Variants in GRIP2 observed in about 807,000 individuals in gnomAD.
GRIP2 encodes glutamate receptor-interacting protein 2.
GRIP2 carries 58 observed loss-of-function variants against 108.3 expected under a neutral mutation model. The observed-to-expected ratio is 0.54, with a 90% CI of 0.43 to 0.67. The LOEUF (loss-of-function observed/expected upper bound fraction) is 0.67, where lower values mean the gene tolerates loss of function less well. Among genes scored for constraint, GRIP2 ranks in the 30% least tolerant of loss-of-function variants. The pLI is 0.00. For missense variants in GRIP2, 1,278 were observed against 1,430.6 expected (o/e 0.89, Z 1.72); for synonymous variants, 586 against 598.2 (o/e 0.98, Z 0.30).
chr3:14,573,630 C>T, the GRIP2 span: 5 of 1,499,810 alleles, frequency 3.3e-6, no homozygotes, highest in African/African-American at 5.5e-5. Context: ...GCAGGGCCGT[C>T]CTGTGATGAC....
the GRIP2 span, among the ~76,000 whole-genome samples, chr3:14,577,401 C>T: frequency 6.6e-6 from 1 of 152,214 alleles, no homozygotes; most frequent in Admixed American, 6.5e-5. Context: ...GACAGGAAGA[C>T]ACAGAGACAA....
upstream of GRIP2, among the ~76,000 whole-genome samples, chr3:14,546,289 G>A (rs1039193780): frequency 3.9e-5 from 6 of 152,294 alleles, no homozygotes; most frequent in East Asian, 3.9e-4. Flanking sequence ...AAGGTCGGCC[G>A]AGGCCAGGGA....
At chr3:14,523,301 C>T in intron 5 of GRIP2, 2 of 579,792 alleles carry the variant, frequency 3.4e-6, no homozygotes, top group Non-Finnish European at 6.2e-6. Flanking sequence ...AATGGCTTGC[C>T]TCCCTTCTGT....
At chr3:14,516,968 C>G in intron 11 of GRIP2, 96 bp downstream of exon 11, 1 of 1,262,842 alleles carries the variant, frequency 7.9e-7, no homozygotes. Flanking sequence ...GAGCTCTGCC[C>G]AAAATACCTC....
the GRIP2 span, among the ~76,000 whole-genome samples, chr3:14,581,304 C>A: frequency 6.6e-6 from 1 of 152,192 alleles, no homozygotes; most frequent in Non-Finnish European, 1.5e-5. Context: ...GGTAACAGCA[C>A]CCTGATTTTG....
At chr3:14,565,647 G>A in the GRIP2 span, among the ~76,000 whole-genome samples, 2 of 152,190 alleles carry the variant, frequency 1.3e-5, no homozygotes, top group South Asian at 2.1e-4. Flanking sequence ...TACCCACTCC[G>A]GGCCTTGGCA....
chr3:14,551,082 G>A (rs1445181671), intron 1 of GRIP2, among the ~76,000 whole-genome samples: 2 of 152,126 alleles, frequency 1.3e-5, no homozygotes, highest in Non-Finnish European at 2.9e-5. Context: ...GGGCCCAGAA[G>A]GGACGCTGAG....
chr3:14,565,590 G>A, the GRIP2 span, among the ~76,000 whole-genome samples: 1 of 146,644 alleles, frequency 6.8e-6, no homozygotes, highest in Admixed American at 6.8e-5. Flanking sequence ...CCGGAGAGGT[G>A]GGAGAGCAGG....
intron 9 of GRIP2, among the ~76,000 whole-genome samples, chr3:14,518,956 G>A (rs1180140714): frequency 6.6e-6 from 1 of 152,236 alleles, no homozygotes; most frequent in Non-Finnish European, 1.5e-5. Context: ...CTCAGTTAAT[G>A]AGAGCCAAGG....
At chr3:14,557,546 G>A, upstream of GRIP2, among the ~76,000 whole-genome samples, 1 of 152,200 alleles carries the variant, frequency 6.6e-6, no homozygotes, top group Middle Eastern at 3.2e-3. Flanking sequence ...CTCTGCTGAG[G>A]GATTCTGTCT....
chr3:14,548,289 C>CG (rs1695088009), intron 1 of GRIP2, among the ~76,000 whole-genome samples: 1 of 152,138 alleles, frequency 6.6e-6, no homozygotes, highest in African/African-American at 2.4e-5. Context: ...GTCACCGAAT[C>CG]GGGGCATTCC....
intron 1 of GRIP2, among the ~76,000 whole-genome samples, chr3:14,547,191 G>C (rs1015125970): frequency 6.6e-6 from 1 of 152,184 alleles, no homozygotes; most frequent in African/African-American, 2.4e-5. Flanking sequence ...AGGAAAGATG[G>C]AAAGGAAGGA....
At chr3:14,519,983 G>A (rs1694358233) in intron 9 of GRIP2, 127 bp downstream of exon 9, 1 of 924,296 alleles carries the variant, frequency 1.1e-6, no homozygotes, top group Non-Finnish European at 1.6e-6. Context: ...GCTTCCCTGG[G>A]CAAATGAGGA....
At chr3:14,591,778 G>T in the GRIP2 span, among the ~76,000 whole-genome samples, 1 of 152,162 alleles carries the variant, frequency 6.6e-6, no homozygotes, top group Non-Finnish European at 1.5e-5. Context: ...GACCTTCTGG[G>T]AGTACACGCC....
upstream of GRIP2, chr3:14,542,053 G>A (rs766092824): frequency 1.5e-6 from 2 of 1,351,808 alleles, no homozygotes; most frequent in African/African-American, 1.5e-5. Context: ...TCCATCTACA[G>A]CCTCTTCAGT....
chr3:14,543,160 T>C (rs1297006492), upstream of GRIP2, among the ~76,000 whole-genome samples: 2 of 152,188 alleles, frequency 1.3e-5, no homozygotes, highest in Non-Finnish European at 2.9e-5. Flanking sequence ...GAAACAGAGA[T>C]ACAGCCAGGC....
chr3:14,533,474 A>G (rs1220338216), intron 1 of GRIP2, among the ~76,000 whole-genome samples: 1 of 152,194 alleles, frequency 6.6e-6, no homozygotes, highest in Non-Finnish European at 1.5e-5. Flanking sequence ...GCCCAAGTTC[A>G]CCAAATTCAG....
Position 14,522,956 on chromosome 3 carries a change from G to A in GRIP2, c.566+44C>T, listed in dbSNP as rs757487302. ...CTCCACCTTCTTCGCAGGGGAGTTG[G>A]GGCAGGTCAGTGCAGTGTGTGGATT... is the stretch of plus-strand genomic sequence containing the variant. On this transcript the variant is annotated intron_variant, in intron 6 of 23. Coordinates refer to ENST00000621039, the MANE Select transcript of GRIP2 (RefSeq NM_001080423.4). The surrounding 1 kb of genome is among the most constrained non-coding windows in gnomAD (Gnocchi z 4.3). 8.4e-6 allele frequency: 13 copies of A among 1,542,986 alleles called. No individual in the cohort carries two copies. Among genetic ancestry groups the A allele is most frequent in the Non-Finnish European group, 1.2e-5 (13 of 1,115,304 alleles).
chr3:14,491,499 G>A lies in GRIP2; in HGVS notation c.*2166C>T, dbSNP rs1291106869. 4 of 152,240 alleles carry A rather than the reference G, an allele frequency of 2.6e-5. No homozygotes were observed. The highest frequency in any genetic ancestry group is 4.4e-5 in the Non-Finnish European group (3 of 68,080). The allele number at this position is 152,240 out of a possible 1,614,324, so 9.4% of individuals were successfully genotyped here. On this transcript the variant is annotated 3_prime_UTR_variant, in exon 24 of 24. Transcript: ENST00000621039. ...AGGTGTCAGGAAATTTCAAGTCGGG[G>A]ATGAACCATCCCCATGAGAAGCCAG... is the stretch of plus-strand genomic sequence containing the variant.
Sources: allele counts gnomAD v4.1 joint callset (sites outside exome capture counted in the v4.1 genomes callset), GRCh38; gene constraint gnomAD v4.1.1; non-coding constraint Gnocchi (gnomAD v3.1); transcripts MANE v1.5; gene names NCBI Gene and HGNC (gene_info 2026-07-23, HGNC 2026-07-21).